SOX6: variants seen among roughly 807,000 people sequenced by gnomAD.
The protein encoded by SOX6 is SRY-box transcription factor 6, also known as transcription factor SOX-6.
In SOX6, 11 loss-of-function variants were observed where a neutral mutation model predicts 97.8. That is an observed-to-expected ratio of 0.11 (90% CI 0.07 to 0.19). The LOEUF is 0.19. Ranked by LOEUF, SOX6 falls within the 10% of genes least tolerant of loss-of-function variation. The pLI, the probability that SOX6 is intolerant of heterozygous loss-of-function variation, is 1.00. For synonymous variants in SOX6, 360 were observed against 371.4 expected, an observed-to-expected ratio of 0.97 and a Z score of 0.35; for missense variants, 810 against 1,039.5, an observed-to-expected ratio of 0.78 and a Z score of 3.04.
Position 16,023,013 on chromosome 11 carries a change from G to A in SOX6, c.1624-7963C>T, listed in dbSNP as rs142997885. Among the ~76,000 whole-genome samples, 159 of 152,078 alleles carry A rather than the reference G, an allele frequency of 1.0e-3. 1 individual carries two copies. Among genetic ancestry groups the A allele is most frequent in the African/African-American group, 2.6e-3 (108 of 41,474 alleles). On this transcript the variant is annotated intron_variant, in intron 12 of 15. Coordinates refer to ENST00000683767, the MANE Select transcript of SOX6 (RefSeq NM_001367873.1). ...ATATTCCAAAATCCTATGTATTTCC[G>A]AATGCCACTTTTTCTTTCTAATTAT...
chr11:16,097,205 T>TA (rs1376188587), intron 8 of SOX6, among the ~76,000 whole-genome samples: 1 of 151,868 alleles, frequency 6.6e-6, no homozygotes. Context: ...AACAACCCCT[T>TA]ATTCTATGAG....
Position 16,239,309 on chromosome 11 carries a change from C to A in SOX6, c.446-4638G>T, listed in dbSNP as rs952585931. Among the ~76,000 whole-genome samples the A allele has an allele frequency of 2.6e-4, 40 of 152,078 alleles. 1 individual carries two copies. The highest frequency in any genetic ancestry group is 2.9e-5 in the Non-Finnish European group (2 of 68,000). On this transcript the variant is annotated intron_variant, in intron 3 of 15. Coordinates refer to ENST00000683767, the MANE Select transcript of SOX6 (RefSeq NM_001367873.1). ...CGACTGCTCATGCTCTTCTCTCTCT[C>A]TCCCCCTCTCCCTCTCTCTCCAATG...
At chr11:16,648,979 A>C (rs1203701053) in intron 3 of SOX6, among the ~76,000 whole-genome samples, 2 of 152,138 alleles carry the variant, frequency 1.3e-5, no homozygotes, top group Admixed American at 1.3e-4. Context: ...AAATGCCTGG[A>C]AAGTTTCAAC....
rs373850600 is a variant in SOX6 at position 16,619,117 on chromosome 11, TA to T, written n.430-6858del. ...TCACCATTGTGAGAAAATATAATGA[TA>T]AAACTGAAAATCGTGTGACTTTACC... is the stretch of plus-strand genomic sequence containing the variant. On this transcript the variant is annotated intron_variant and non_coding_transcript_variant, in intron 3 of 5. Transcript: ENST00000524520. Among the ~76,000 whole-genome samples the T allele has an allele frequency of 3.6e-3, 554 of 151,960 alleles. 4 individuals carry two copies. The highest frequency in any genetic ancestry group is 0.012 in the African/African-American group (482 of 41,492).
intron 2 of SOX6, among the ~76,000 whole-genome samples, chr11:16,330,243 AATCAACATTCT>A (rs1322395145): frequency 6.6e-6 from 1 of 152,174 alleles, no homozygotes; most frequent in African/African-American, 2.4e-5. Context: ...CCAGCAATTA[AATCAACATTCT>A]ATCAAGATTC....
At chr11:16,383,250 T>C (rs1857882507) in intron 1 of SOX6, among the ~76,000 whole-genome samples, 1 of 151,908 alleles carries the variant, frequency 6.6e-6, no homozygotes, top group African/African-American at 2.4e-5. Context: ...GCTCCATAGA[T>C]TCCTTATACA....
At chr11:16,133,798 C>T (rs1849883867) in intron 6 of SOX6, among the ~76,000 whole-genome samples, 1 of 152,158 alleles carries the variant, frequency 6.6e-6, no homozygotes, top group African/African-American at 2.4e-5. Context: ...AAGCGATTCT[C>T]CTGCCTCAGC....
At chr11:16,255,531 A>G (rs1853655853) in intron 3 of SOX6, among the ~76,000 whole-genome samples, 1 of 152,092 alleles carries the variant, frequency 6.6e-6, no homozygotes, top group South Asian at 2.1e-4. Context: ...ATCTCAAGAG[A>G]AAATTTAAAA....
rs1458760052 is a variant in SOX6 at position 16,299,462 on chromosome 11, T to C, written c.445+18984A>G. ...AACGGGGGAGGGGTGGGAATCTTTA[T>C]TGGGAATTGCTTCCCAAAATCTGAA... is the stretch of plus-strand genomic sequence containing the variant. On this transcript the variant is annotated intron_variant, in intron 3 of 15. Transcript: ENST00000683767. Among the ~76,000 whole-genome samples, 9 of 152,280 alleles carry C rather than the reference T, an allele frequency of 5.9e-5. No homozygotes were observed. The South Asian group carries it at 1.7e-3, about 28-fold the overall frequency.
rs201821472 is a variant in SOX6, at chr11:16,184,683, T to C, written c.709-729A>G. Among the ~76,000 whole-genome samples the C allele has an allele frequency of 2.0e-5, 3 of 152,280 alleles. No individual in the cohort carries two copies. In the East Asian group the frequency reaches 5.8e-4, roughly 29 times the overall value. ...GGTCTATAAAAAGAAATGTTAACCA[T>C]TTAATGCAAGCCCTACTGATGACTG... On this transcript the variant is annotated intron_variant, in intron 5 of 15. Coordinates refer to ENST00000683767, the MANE Select transcript of SOX6 (RefSeq NM_001367873.1).
intron 1 of SOX6, among the ~76,000 whole-genome samples, chr11:16,373,861 AAGGAAGGAAGGAAGGAAGGAAGGAAGGG>A (rs780442831): frequency 0.43 from 27,317 of 63,470 alleles, 4,615 homozygotes; most frequent in Non-Finnish European, 0.54. Context: ...GGAAGGAAGG[AAGGAAGGAAGGAAGGAAGGAAGGAAGGG>A]AGGGAGGGAG....
At chr11:16,333,453 G>A (rs946438009) in intron 2 of SOX6, among the ~76,000 whole-genome samples, 1 of 151,972 alleles carries the variant, frequency 6.6e-6, no homozygotes, top group Non-Finnish European at 1.5e-5. Context: ...TTTTAAGAAG[G>A]ATTTCTGTAC....
chr11:16,330,764 T>C (rs1189602128), intron 2 of SOX6, among the ~76,000 whole-genome samples: 1 of 152,118 alleles, frequency 6.6e-6, no homozygotes, highest in Non-Finnish European at 1.5e-5. Flanking sequence ...AGAGGCTTAG[T>C]CATTGTAGTT....
At chr11:16,252,791 C>T (rs1236967083) in intron 3 of SOX6, among the ~76,000 whole-genome samples, 1 of 152,088 alleles carries the variant, frequency 6.6e-6, no homozygotes, top group African/African-American at 2.4e-5. Context: ...AAGGAAAATA[C>T]TCAACTCCAG....
chr11:16,730,580 G>C, intron 2 of SOX6, among the ~76,000 whole-genome samples: 1 of 152,120 alleles, frequency 6.6e-6, no homozygotes, highest in East Asian at 1.9e-4. Flanking sequence ...AGAATCTCTG[G>C]GACATAGCTA....
intron 13 of SOX6, among the ~76,000 whole-genome samples, chr11:16,005,454 C>T (rs1305254631): frequency 1.3e-5 from 2 of 151,836 alleles, no homozygotes; most frequent in Non-Finnish European, 2.9e-5. Context: ...TTATAAAAGA[C>T]TCATTGGAAT....
At chr11:16,059,479 G>C (rs192518807) in intron 9 of SOX6, among the ~76,000 whole-genome samples, 175 of 151,866 alleles carry the variant, frequency 1.2e-3, no homozygotes, top group Non-Finnish European at 1.5e-3. Flanking sequence ...GTAATTTCCA[G>C]CATTTCTATC....
intron 1 of SOX6, among the ~76,000 whole-genome samples, chr11:16,467,792 A>AAAAC (rs145776689): frequency 0.088 from 13,357 of 152,116 alleles, 643 homozygotes; most frequent in Non-Finnish European, 0.11. Flanking sequence ...TTAAAAGTTA[A>AAAAC]AAACAAACAA....
chr11:16,722,427 G>A (rs1355060552), intron 2 of SOX6, among the ~76,000 whole-genome samples: 3 of 152,128 alleles, frequency 2.0e-5, no homozygotes, highest in Non-Finnish European at 2.9e-5. Flanking sequence ...CGAGGCAGGC[G>A]GATCATTTGA....
Sources: gnomAD v4.1 joint callset for allele counts (sites outside exome capture counted in the v4.1 genomes callset) on GRCh38, gnomAD v4.1.1 for gene constraint, MANE v1.5 for transcripts, NCBI Gene and HGNC (gene_info 2026-07-23, HGNC 2026-07-21) for gene names.